The following USP8 variants were observed in gnomAD, a reference collection of about 807,000 sequenced individuals.
USP8 encodes the protein ubiquitin carboxyl-terminal hydrolase 8.
A neutral mutation model predicts 130.0 loss-of-function variants in USP8; 27 were observed. The observed-to-expected ratio is 0.21, with a 90% confidence interval of 0.15 to 0.29. USP8 has a LOEUF of 0.29. Among genes scored for constraint, USP8 ranks in the 10% least tolerant of loss-of-function variants. The pLI, the probability that USP8 is intolerant of heterozygous loss-of-function variation, is 1.00. For synonymous variants in USP8, 392 were observed against 444.1 expected, an observed-to-expected ratio of 0.88 and a Z score of 1.48; for missense variants, 1,029 against 1,312.2, an observed-to-expected ratio of 0.78 and a Z score of 3.33.
At chr15:50,428,809 C>T (rs2049829723) in intron 1 of USP8, among the ~76,000 whole-genome samples, 1 of 152,170 alleles carries the variant, frequency 6.6e-6, no homozygotes, top group Non-Finnish European at 1.5e-5. Context: ...TGAGAACTTT[C>T]ACCTTTTTGC....
At chr15:50,452,610 A>G (rs949269525) in intron 4 of USP8, among the ~76,000 whole-genome samples, 1 of 152,194 alleles carries the variant, frequency 6.6e-6, no homozygotes, top group South Asian at 2.1e-4. Flanking sequence ...ACTACTAGAG[A>G]AGAAATATAG....
At chr15:50,479,531 A>G (rs2051689218) in intron 10 of USP8, among the ~76,000 whole-genome samples, 2 of 152,226 alleles carry the variant, frequency 1.3e-5, no homozygotes, top group South Asian at 2.1e-4. Context: ...GATCATAACT[A>G]TACTTTTAAA....
rs1266420663 is a variant in USP8 at position 50,506,984 on chromosome 15, A to T, written c.*7896A>T. The T allele has an allele frequency of 6.6e-6, 1 of 152,060 alleles. No individual in the cohort carries two copies. The highest frequency in any genetic ancestry group is 6.7e-5 in the Admixed American group (1 of 15,026). 9.4% of individuals were successfully genotyped at this position (152,060 alleles called of 1,614,324 possible). On this transcript the variant is annotated 3_prime_UTR_variant, in exon 20 of 20. Coordinates refer to ENST00000307179, the MANE Select transcript of USP8 (RefSeq NM_005154.5). Reference sequence around the variant, plus strand: ...AAAAAAAAAAAAAAAAAAAAAAAAAAAAAAAATCCAGTTTTAGGCCAAGTG... The same window carrying T: ...AAAAAAAAAAAAAAAAAAAAAAAAATAAAAAATCCAGTTTTAGGCCAAGTG...
rs1206433505 is a variant in USP8 at position 50,508,116 on chromosome 15, A to T, written c.*9028A>T. The T allele has an allele frequency of 6.6e-6, 1 of 151,090 alleles. No individual in the cohort carries two copies. Among genetic ancestry groups the T allele is most frequent in the African/African-American group, 2.4e-5 (1 of 41,106 alleles). The allele number at this position is 151,090 out of a possible 1,614,324, so 9.4% of individuals were successfully genotyped here. A position where few individuals can be genotyped will look rare whatever the true frequency, so the allele number is the denominator to read the frequency against. ...AAAAGATTAGTTTAATTTAGACCCTAGTCTTTGAACACAATACAATTAGCA... is the reference window on the plus strand; with the variant it reads ...AAAAGATTAGTTTAATTTAGACCCTTGTCTTTGAACACAATACAATTAGCA... On this transcript the variant is annotated 3_prime_UTR_variant, in exon 20 of 20. Coordinates refer to ENST00000307179, the MANE Select transcript of USP8 (RefSeq NM_005154.5).
chr15:50,476,653 T>A (rs2051576623), intron 8 of USP8, among the ~76,000 whole-genome samples, 196 bp from the exon 9 acceptor site: 1 of 152,230 alleles, frequency 6.6e-6, no homozygotes, highest in South Asian at 2.1e-4. Flanking sequence ...AGATCATTGA[T>A]TATTTGTATG....
intron 1 of USP8, among the ~76,000 whole-genome samples, chr15:50,428,397 G>C (rs1318568160): frequency 6.6e-6 from 1 of 152,190 alleles, no homozygotes; most frequent in Non-Finnish European, 1.5e-5. Context: ...GATTACAGGC[G>C]TTAGCTACCA....
intron 4 of USP8, 80 bp downstream of exon 4, chr15:50,449,565 G>C: frequency 1.9e-6 from 2 of 1,066,344 alleles, no homozygotes; most frequent in Non-Finnish European, 2.6e-6. Flanking sequence ...ATTTATATCT[G>C]ACGATTCATA....
intron 12 of USP8, among the ~76,000 whole-genome samples, chr15:50,487,786 C>T (rs1408553106): frequency 6.6e-6 from 1 of 152,174 alleles, no homozygotes; most frequent in South Asian, 2.1e-4. Context: ...ATTAAGAAGG[C>T]TCAATAAAAC....
chr15:50,489,105 G>A (rs2052068027), intron 12 of USP8, among the ~76,000 whole-genome samples: 1 of 152,138 alleles, frequency 6.6e-6, no homozygotes, highest in Non-Finnish European at 1.5e-5. Flanking sequence ...TTTTTTAAAG[G>A]AAGTGGAAGT....
At chr15:50,449,875 C>T (rs1360906935) in intron 4 of USP8, among the ~76,000 whole-genome samples, 4 of 147,834 alleles carry the variant, frequency 2.7e-5, no homozygotes, top group African/African-American at 7.5e-5. Flanking sequence ...GCCACCATGC[C>T]TGGCCCCAAT....
In USP8 at chr15:50,471,618, A is replaced by T. The variant is rs370075814; in HGVS notation, c.687-15A>T. On this transcript the variant is annotated splice_polypyrimidine_tract_variant and intron_variant, in intron 7 of 19. Coordinates refer to ENST00000307179, the MANE Select transcript of USP8 (RefSeq NM_005154.5). ...TGTTGACTTTTGCCCCAATTTAAAT[A>T]TTAATACATTTCAGAGTCACTGCTA... The T allele has an allele frequency of 6.2e-7, 1 of 1,605,520 alleles. No individual in the cohort carries two copies. The highest frequency in any genetic ancestry group is 2.2e-5 in the East Asian group (1 of 44,774).
chr15:50,494,925 G>A (rs1387420886), intron 16 of USP8, among the ~76,000 whole-genome samples: 1 of 151,356 alleles, frequency 6.6e-6, no homozygotes, highest in Non-Finnish European at 1.5e-5. Flanking sequence ...TGAAGCAGGA[G>A]AATCGCTTGA....
chr15:50,466,594 C>CA (rs559413706), intron 7 of USP8: 1,277 of 76,454 alleles, frequency 0.017, 13 homozygotes, highest in African/African-American at 0.03. Context: ...GACTCTGTCT[C>CA]AAAAAAAAAA....
chr15:50,498,875 AT>A (rs199819722), intron 19 of USP8, 27 bp from the exon 20 acceptor site: 24 of 1,560,722 alleles, frequency 1.5e-5, no homozygotes, highest in Middle Eastern at 1.7e-4. Context: ...AACTGAATTG[AT>A]TTTTTTTTCT....
At chr15:50,442,835 G>A (rs1236551732) in intron 3 of USP8, among the ~76,000 whole-genome samples, 1 of 152,150 alleles carries the variant, frequency 6.6e-6, no homozygotes, top group African/African-American at 2.4e-5. Context: ...TTGTGTTGCT[G>A]GGTTTACCTT....
intron 3 of USP8, among the ~76,000 whole-genome samples, chr15:50,445,047 C>T (rs1451819399): frequency 6.6e-5 from 10 of 152,048 alleles, no homozygotes; most frequent in South Asian, 2.1e-4. Flanking sequence ...TGTGAGCCAC[C>T]TTGCCCAGTT....
At position 50,501,829 on chromosome 15, in the gene USP8, AT is replaced by A. The variant is rs1247473839; in HGVS notation, c.*2746del. The A allele has an allele frequency of 2.6e-5, 4 of 152,254 alleles. No individual in the cohort carries two copies. Among genetic ancestry groups the A allele is most frequent in the Admixed American group, 6.5e-5 (1 of 15,286 alleles). 9.4% of individuals were successfully genotyped at this position (152,254 alleles called of 1,614,324 possible). On this transcript the variant is annotated 3_prime_UTR_variant, in exon 20 of 20. Transcript: ENST00000307179. ...CCCATGCATTAGCAACGGGTTTTAA[AT>A]TTTTATATGGTTGGGGAAAAGATCC...
Position 50,510,130 on chromosome 15 carries a change from A to C in USP8, c.*11042A>C, listed in dbSNP as rs1358565202. On this transcript the variant is annotated 3_prime_UTR_variant, in exon 20 of 20. Transcript: ENST00000307179. Reference sequence around the variant, plus strand: ...TGTGAACAAATTGACCAACAGACACACACAGCATAGGAAAACCAGCATTAT... The same window carrying C: ...TGTGAACAAATTGACCAACAGACACCCACAGCATAGGAAAACCAGCATTAT... 3 of 152,182 alleles carry C rather than the reference A, an allele frequency of 2.0e-5. No individual in the cohort carries two copies. The highest frequency in any genetic ancestry group is 2.9e-5 in the Non-Finnish European group (2 of 68,030). The allele number at this position is 152,182 out of a possible 1,614,324, so 9.4% of individuals were successfully genotyped here.
rs746008168 is a variant in USP8 at position 50,439,077 on chromosome 15, C to T, written c.4C>T (p.Pro2Ser). The T allele has an allele frequency of 2.5e-6, 4 of 1,607,028 alleles. No homozygotes were observed. The highest frequency in any genetic ancestry group is 3.4e-6 in the Non-Finnish European group (4 of 1,176,590). ...GGAAAAGTAAAGATAATTCATCATG[C>T]CTGCTGTGGCTTCAGTTCCTAAAGA... M[P>S]AVASVPKELY... is the part of the protein sequence containing the mutation. The change falls in exon 2 of 20, where the codon CCT becomes TCT. Residue 2 changes from proline to serine, a missense_variant. Pro to Ser is a moderately conservative substitution (Grantham distance 74). Around this residue, in one of 4 missense-constraint regions of USP8, gnomAD observed 281 missense variants for 336.7 expected, o/e 0.83. Coordinates refer to ENST00000307179, the MANE Select transcript of USP8 (RefSeq NM_005154.5).
Sources: allele counts gnomAD v4.1 joint callset (sites outside exome capture counted in the v4.1 genomes callset), GRCh38; gene constraint gnomAD v4.1.1; regional missense constraint gnomAD v4.1.1; transcripts MANE v1.5; gene names NCBI Gene and HGNC (gene_info 2026-07-23, HGNC 2026-07-21).